The following METTL15 variants were observed in gnomAD, a reference collection of about 807,000 sequenced individuals.
METTL15 encodes methyltransferase 15, mitochondrial 12S rRNA N4-cytidine, also known as 12S rRNA N(4)-cytidine methyltransferase METTL15.
Under a neutral mutation model 38.3 loss-of-function variants are expected in METTL15, and 34 were observed. The observed-to-expected ratio is 0.89, with a 90% CI of 0.68 to 1.18. The LOEUF (loss-of-function observed/expected upper bound fraction) is 1.18, where lower values mean the gene tolerates loss of function less well. METTL15 is among the 50% of genes most tolerant of loss of function. METTL15 has a pLI of 0.00. For missense variants in METTL15, 438 were observed against 498.4 expected (o/e 0.88, Z 1.15); for synonymous variants, 162 against 170.9 (o/e 0.95, Z 0.41).
At chr11:28,228,930 A>G (rs1202664687) in intron 4 of METTL15, among the ~76,000 whole-genome samples, 1 of 151,930 alleles carries the variant, frequency 6.6e-6, no homozygotes, top group African/African-American at 2.4e-5. Context: ...CCATCCCCAC[A>G]GGTGAGAAAG....
intron 3 of METTL15, among the ~76,000 whole-genome samples, chr11:28,162,071 C>T (rs1850485594): frequency 6.6e-6 from 1 of 152,038 alleles, no homozygotes; most frequent in Non-Finnish European, 1.5e-5. Context: ...TCTCTCAAAT[C>T]CTCTGTAAAA....
chr11:28,414,282 A>G (rs544428938), intron 5 of METTL15, among the ~76,000 whole-genome samples: 4 of 152,190 alleles, frequency 2.6e-5, no homozygotes, highest in African/African-American at 9.6e-5. Flanking sequence ...AGGGGAAGCA[A>G]CTTCTGAGAA....
intron 5 of METTL15, 52 bp downstream of exon 5, chr11:28,290,449 AAC>A (rs1179100092): frequency 1.0e-5 from 16 of 1,526,550 alleles, no homozygotes; most frequent in African/African-American, 1.4e-5. Context: ...ATTTGTCAAA[AAC>A]ACTCTGAATT....
intron 3 of METTL15, chr11:28,134,566 T>C: frequency 2.5e-6 from 1 of 398,512 alleles, no homozygotes; most frequent in Non-Finnish European, 4.4e-6. Context: ...TGCGAAAAAG[T>C]GGACGAAGAC....
chr11:28,163,479 G>T (rs930523518), intron 3 of METTL15: 1 of 396,820 alleles, frequency 2.5e-6, no homozygotes, highest in Non-Finnish European at 4.4e-6. Context: ...GCTGTTACTC[G>T]GTTATCTAAT....
At chr11:28,239,447 A>G (rs1854188660) in intron 4 of METTL15, among the ~76,000 whole-genome samples, 1 of 152,332 alleles carries the variant, frequency 6.6e-6, no homozygotes, top group Non-Finnish European at 1.5e-5. Flanking sequence ...TTATCACCTT[A>G]GCATTACCAC....
At chr11:28,304,197 A>G (rs1022525102) in intron 6 of METTL15, among the ~76,000 whole-genome samples, 1 of 152,048 alleles carries the variant, frequency 6.6e-6, no homozygotes, top group Non-Finnish European at 1.5e-5. Flanking sequence ...AAACAGTGTG[A>G]TTTGTGATAG....
chr11:28,359,936 A>T (rs1045139899), intron 4 of METTL15, among the ~76,000 whole-genome samples: 1 of 152,176 alleles, frequency 6.6e-6, no homozygotes, highest in East Asian at 1.9e-4. Context: ...TGTTGCTCTG[A>T]TGCCTGTGTC....
At chr11:28,206,460 G>T (rs1018722567) in intron 3 of METTL15, among the ~76,000 whole-genome samples, 1 of 152,010 alleles carries the variant, frequency 6.6e-6, no homozygotes, top group African/African-American at 2.4e-5. Flanking sequence ...CTGTTCCATT[G>T]GTCTATATCT....
At chr11:28,128,606 C>T (rs748689084) in intron 3 of METTL15, among the ~76,000 whole-genome samples, 9 of 151,974 alleles carry the variant, frequency 5.9e-5, no homozygotes, top group Non-Finnish European at 8.8e-5. Context: ...ATGAATCTTT[C>T]GCTGTGGTTT....
At chr11:28,184,432 T>A (rs186007049) in intron 3 of METTL15, among the ~76,000 whole-genome samples, 1 of 152,162 alleles carries the variant, frequency 6.6e-6, no homozygotes, top group East Asian at 1.9e-4. Flanking sequence ...CTGTTTTAAA[T>A]GTGTCCCAGA....
chr11:28,309,260 G>T (rs929291821), intron 6 of METTL15, among the ~76,000 whole-genome samples: 1 of 152,036 alleles, frequency 6.6e-6, no homozygotes, highest in Non-Finnish European at 1.5e-5. Flanking sequence ...CACAAATCTC[G>T]CTTTTGACTC....
At chr11:28,268,184 G>A (rs1221218379) in intron 4 of METTL15, among the ~76,000 whole-genome samples, 9 of 102,598 alleles carry the variant, frequency 8.8e-5, no homozygotes, top group Non-Finnish European at 1.2e-4. Context: ...GCGACAGAGC[G>A]AGACTCCGTC....
intron 4 of METTL15, among the ~76,000 whole-genome samples, chr11:28,254,101 G>A (rs1400806901): frequency 6.6e-6 from 1 of 152,136 alleles, no homozygotes; most frequent in Non-Finnish European, 1.5e-5. Context: ...CCCACCAACA[G>A]TGTATAAGAG....
intron 5 of METTL15, among the ~76,000 whole-genome samples, chr11:28,368,730 A>G (rs765398862): frequency 1.3e-5 from 2 of 152,208 alleles, no homozygotes; most frequent in Non-Finnish European, 1.5e-5. Context: ...ACTATTCACA[A>G]TAGCAAAGAC....
intron 3 of METTL15, chr11:28,163,513 A>G (rs1270287015): frequency 2.5e-6 from 1 of 397,322 alleles, no homozygotes; most frequent in East Asian, 3.6e-5. Flanking sequence ...TTCTAATAAG[A>G]TGCTTCTTCT....
rs536139864 is a variant in METTL15, at chr11:28,290,357, C to T, written c.559C>T (p.Arg187Trp). The T allele has an allele frequency of 2.1e-5, 34 of 1,613,060 alleles. No homozygotes were observed. The highest frequency in any genetic ancestry group is 1.7e-4 in the Middle Eastern group (1 of 6,050). Residue 187 changes from arginine to tryptophan, a missense_variant, in exon 5 of 7, where the codon CGG (arginine) becomes TGG (tryptophan). Coordinates refer to ENST00000407364, the MANE Select transcript of METTL15 (RefSeq NM_001113528.2). ...LDTPERGFSL[R>W]KDGPLDMRMD... is the part of the protein sequence containing the mutation. ...TACTCCTGAAAGAGGTTTTTCCCTT[C>T]GGAAAGATGGCCCTTTGGACATGAG...
chr11:28,219,889 C>G (rs1459092558), intron 4 of METTL15, among the ~76,000 whole-genome samples: 1 of 152,074 alleles, frequency 6.6e-6, no homozygotes, highest in Non-Finnish European at 1.5e-5. Flanking sequence ...GTTTCTTAAT[C>G]CTGATTTCTA....
intron 3 of METTL15, among the ~76,000 whole-genome samples, chr11:28,339,404 A>G (rs1849930029): frequency 6.6e-6 from 1 of 152,148 alleles, no homozygotes; most frequent in East Asian, 1.9e-4. Flanking sequence ...ACTGAGAAGT[A>G]TAGTACTCAA....
Sources: gnomAD v4.1 joint callset for allele counts (sites outside exome capture counted in the v4.1 genomes callset) on GRCh38, gnomAD v4.1.1 for gene constraint, MANE v1.5 for transcripts, NCBI Gene and HGNC (gene_info 2026-07-23, HGNC 2026-07-21) for gene names.